RESP18: variants seen among roughly 807,000 people sequenced by gnomAD.
RESP18 encodes the protein regulated endocrine specific protein 18.
Under a neutral mutation model 30.0 loss-of-function variants are expected in RESP18, and 30 were observed. The ratio of observed to expected loss-of-function variants is 1.00; its 90% CI spans 0.75 to 1.36. The LOEUF (loss-of-function observed/expected upper bound fraction) is 1.36. RESP18 is among the 40% of genes most tolerant of loss of function. The probability of loss-of-function intolerance (pLI) is 0.00; values close to 1 mark genes in which losing one functional copy is unlikely to be tolerated. For synonymous variants in RESP18, 117 were observed against 111.2 expected (o/e 1.05, Z -0.33); for missense variants, 320 against 284.2 (o/e 1.13, Z -0.91).
At chr2:219,329,842 C>G in intron 3 of RESP18, 78 bp from the exon 3 acceptor site, 1 of 1,393,868 alleles carries the variant, frequency 7.2e-7, no homozygotes, top group Non-Finnish European at 9.8e-7. Flanking sequence ...TAACCTTTCT[C>G]TCAAGTATAT....
chr2:219,331,527 T>A (rs1190853580), intron 2 of RESP18, among the ~76,000 whole-genome samples: 1 of 152,200 alleles, frequency 6.6e-6, no homozygotes, highest in South Asian at 2.1e-4. Flanking sequence ...GTCAAATGGA[T>A]GTCTAATAAT....
chr2:219,330,224 C>T (rs535121031), intron 3 of RESP18, among the ~76,000 whole-genome samples: 1 of 152,306 alleles, frequency 6.6e-6, no homozygotes, highest in South Asian at 2.1e-4. Flanking sequence ...AACTACTGCT[C>T]TAAGGCACTA....
intron 3 of RESP18, among the ~76,000 whole-genome samples, chr2:219,330,493 A>G (rs1440980013): frequency 2.7e-5 from 4 of 150,288 alleles, no homozygotes; most frequent in Non-Finnish European, 4.4e-5. Context: ...GGTTGGGGGG[A>G]GACTAGTCTC....
chr2:219,330,702 G>T, intron 3 of RESP18, 69 bp downstream of exon 2: 1 of 967,550 alleles, frequency 1.0e-6, no homozygotes, highest in Non-Finnish European at 1.6e-6. Flanking sequence ...CCCTCAGGTC[G>T]GATAGCCCCT....
At chr2:219,329,362 C>T (rs969176143) in intron 4 of RESP18, 110 bp from the exon 4 acceptor site, 28 of 1,551,526 alleles carry the variant, frequency 1.8e-5, no homozygotes, top group Admixed American at 1.8e-4. Context: ...TGAGAAGATA[C>T]GTGAGTCTCA....
rs183914238 is a variant in RESP18, at chr2:219,329,210, C to A, written c.508G>T (p.Glu170Ter). The A allele has an allele frequency of 8.2e-4, 1,276 of 1,551,644 alleles. No homozygotes were observed. The highest frequency in any genetic ancestry group is 1.0e-3 in the Non-Finnish European group (1,157 of 1,146,996). The change falls in exon 5 of 7, where the codon GAA becomes TAA. Residue 170 changes from glutamate to a stop codon, truncating the protein, a stop_gained. Transcript: ENST00000333527. LOFTEE classifies it high-confidence loss of function. ...TGTTTCAGGGCCTTAGAAACCACTT[C>A]GGAGGTAAAGCACTGATCCCTGTTC...
At chr2:219,332,491 G>A (rs886815031) in intron 2 of RESP18, 33 bp downstream of exon 1, 1 of 1,513,518 alleles carries the variant, frequency 6.6e-7, no homozygotes, top group South Asian at 1.2e-5. Context: ...CGCTTTCTTG[G>A]CCCTGCCCGC....
intron 6 of RESP18, among the ~76,000 whole-genome samples, chr2:219,328,448 A>T (rs1272875312): frequency 6.6e-6 from 1 of 152,166 alleles, no homozygotes; most frequent in Non-Finnish European, 1.5e-5. Flanking sequence ...CCAAAAAAAA[A>T]AAAACCTCTT....
intron 2 of RESP18, 46 bp downstream of exon 1, chr2:219,332,478 G>C (rs776635963): frequency 6.9e-7 from 1 of 1,444,566 alleles, no homozygotes; most frequent in African/African-American, 1.4e-5. Flanking sequence ...CACTTCTCAG[G>C]ATCGCTTTCT....
rs112968834 is a variant in RESP18 at position 219,329,748 on chromosome 2, A to C, written c.354T>G (p.Asp118Glu). Residue 118 changes from aspartate to glutamate, a missense_variant, in exon 4 of 7, where the codon GAT becomes GAG. Transcript: ENST00000333527. ...GGATCATTGCATCCTGGGTGATGTCATCCTTCCAGAACAGACCTGCAGGAT... is the reference window on the plus strand; with the variant it reads ...GGATCATTGCATCCTGGGTGATGTCCTCCTTCCAGAACAGACCTGCAGGAT... 2,287 of 1,551,684 alleles carry C rather than the reference A, an allele frequency of 1.5e-3. 28 individuals are homozygous for C. In the African/African-American group the frequency reaches 0.028, roughly 19 times the overall value.
At position 219,332,630 on chromosome 2, in the gene RESP18, C is replaced by T. The variant is rs1375869727; in HGVS notation, c.126G>A (p.Arg42=). ...TCCCAGGCCACAGTGGGTGCTGTAT[C>T]CTCCCAGGCTCGGCGCGCTCACTCC... is the stretch of plus-strand genomic sequence containing the variant. The change falls in exon 2 of 7, where the codon AGG becomes AGA. Residue 42 remains arginine (R), a synonymous_variant. Coordinates refer to ENST00000333527, the MANE Select transcript of RESP18 (RefSeq NM_001007089.4). 12 of 1,551,468 alleles carry T rather than the reference C, an allele frequency of 7.7e-6. No homozygotes were observed. The highest frequency in any genetic ancestry group is 1.0e-5 in the Non-Finnish European group (12 of 1,146,966).
chr2:219,332,432 C>G (rs1446326640), intron 2 of RESP18, 92 bp downstream of exon 1: 1 of 923,982 alleles, frequency 1.1e-6, no homozygotes, highest in African/African-American at 1.7e-5. Flanking sequence ...TCTTTTACTT[C>G]CAAGTTTCCT....
Position 219,329,250 on chromosome 2 carries a change from G to T in RESP18, c.468C>A (p.Ser156Arg), listed in dbSNP as rs1336315170. 15 of 1,551,696 alleles carry T rather than the reference G, an allele frequency of 9.7e-6. No homozygotes were observed. The highest frequency in any genetic ancestry group is 1.0e-5 in the Non-Finnish European group (12 of 1,146,974). The change falls in exon 5 of 7, where the codon AGC (serine) becomes AGA (arginine). Residue 156 changes from serine to arginine, a missense_variant and splice_region_variant. Ser to Arg is a moderately radical substitution (Grantham distance 110, BLOSUM62 -1). Coordinates refer to ENST00000333527, the MANE Select transcript of RESP18 (RefSeq NM_001007089.4). Reference sequence around the variant, plus strand: ...GATCCCTGTTCACCTTGGCCAGGGGGCTCTGTGAGGAGGGAAACCAGGAGT... The same window carrying T: ...GATCCCTGTTCACCTTGGCCAGGGGTCTCTGTGAGGAGGGAAACCAGGAGT...
chr2:219,333,108 T>A, intron 1 of RESP18: 1 of 1,234,938 alleles, frequency 8.1e-7, no homozygotes, highest in Non-Finnish European at 1.1e-6. Context: ...GCTATATATA[T>A]ATATATAATA....
chr2:219,332,613 C>T lies in RESP18; in HGVS notation c.143G>A (p.Trp48Ter), dbSNP rs780360638. 6 of 1,551,338 alleles carry T rather than the reference C, an allele frequency of 3.9e-6. No homozygotes were observed. The highest frequency in any genetic ancestry group is 2.0e-5 in the Admixed American group (1 of 50,974). Residue 48 changes from tryptophan to a stop codon, truncating the protein, a stop_gained, in exon 2 of 7, where the codon TGG becomes TAG. Transcript: ENST00000333527. LOFTEE classifies it high-confidence loss of function. ...CTGGAGCCCCTCGGAGCTCCCAGGC[C>T]ACAGTGGGTGCTGTATCCTCCCAGG...
intron 6 of RESP18, among the ~76,000 whole-genome samples, chr2:219,328,712 A>G (rs11903211): frequency 0.25 from 37,334 of 152,138 alleles, 6,016 homozygotes; most frequent in African/African-American, 0.45. Context: ...CAAAGATCCC[A>G]AGGAGATGTC....
intron 6 of RESP18, 79 bp downstream of exon 5, chr2:219,328,845 C>T (rs775541541): frequency 2.4e-6 from 2 of 844,084 alleles, no homozygotes; most frequent in East Asian, 2.6e-5. Flanking sequence ...GTGCTATATA[C>T]AAGGGCATAT....
chr2:219,329,297 TGA>T (rs1176189672), intron 4 of RESP18, 45 bp from the exon 4 acceptor site: 42 of 1,551,522 alleles, frequency 2.7e-5, no homozygotes, highest in Admixed American at 5.9e-5. Flanking sequence ...CAGAAAAGGG[TGA>T]GAGGGCCCCA....
intron 6 of RESP18, among the ~76,000 whole-genome samples, chr2:219,328,439 C>CA (rs5838735): frequency 1.4e-3 from 206 of 144,554 alleles, no homozygotes; most frequent in Non-Finnish European, 1.4e-3. Context: ...GGTCTTAGTC[C>CA]AAAAAAAAAA....
Sources: gnomAD v4.1 joint callset for allele counts (sites outside exome capture counted in the v4.1 genomes callset) on GRCh38, gnomAD v4.1.1 for gene constraint, MANE v1.5 for transcripts, NCBI Gene and HGNC (gene_info 2026-07-23, HGNC 2026-07-21) for gene names.